The following PLPPR1 variants were observed in gnomAD, a reference collection of about 807,000 sequenced individuals.
PLPPR1 encodes the protein phospholipid phosphatase-related protein type 1.
In PLPPR1, 10 loss-of-function variants were observed where a neutral mutation model predicts 33.1. The observed-to-expected ratio is 0.30, with a 90% CI of 0.19 to 0.51. The LOEUF is 0.51. PLPPR1 is among the 20% of genes least tolerant of loss of function. PLPPR1 has a pLI of 0.97. For synonymous variants in PLPPR1, 151 were observed against 151.0 expected (o/e 1.00, Z 0.00); for missense variants, 304 against 408.1 (o/e 0.74, Z 2.20).
chr9:101,195,518 T>C (rs1826378465), intron 2 of PLPPR1, among the ~76,000 whole-genome samples: 1 of 151,496 alleles, frequency 6.6e-6, no homozygotes, highest in African/African-American at 2.4e-5. Context: ...CACTAAAGAG[T>C]TCAAGCAGAG....
chr9:101,286,326 A>G, intron 4 of PLPPR1, 90 bp downstream of exon 4: 4 of 1,279,400 alleles, frequency 3.1e-6, no homozygotes, highest in South Asian at 3.4e-5. Context: ...TGGAAGTATC[A>G]ACATTAAAAG....
At chr9:101,146,508 A>G (rs1487176001) in intron 1 of PLPPR1, among the ~76,000 whole-genome samples, 1 of 152,212 alleles carries the variant, frequency 6.6e-6, no homozygotes, top group East Asian at 1.9e-4. Context: ...ATGTTTCAAA[A>G]TCATGTGTCC....
chr9:101,267,409 G>A lies in PLPPR1; in HGVS notation c.64-2471G>A, dbSNP rs953502685. On this transcript the variant is annotated intron_variant, in intron 2 of 7. Transcript: ENST00000374874. ...TAAACCAATTACTTCAAACAGCAGA[G>A]AAGGCTGGCATAAAGGTTGGTGATT... Among the ~76,000 whole-genome samples, 11 of 152,170 alleles carry A rather than the reference G, an allele frequency of 7.2e-5. No homozygotes were observed. In the South Asian group the frequency reaches 2.3e-3, roughly 31 times the overall value.
At chr9:101,190,920 T>TG (rs2118727691) in intron 2 of PLPPR1, among the ~76,000 whole-genome samples, 1 of 152,286 alleles carries the variant, frequency 6.6e-6, no homozygotes, top group East Asian at 1.9e-4. Flanking sequence ...GTAATGGACA[T>TG]GGCAGGCAGT....
intron 1 of PLPPR1, among the ~76,000 whole-genome samples, chr9:101,080,803 T>C (rs1163372347): frequency 6.6e-6 from 1 of 152,164 alleles, no homozygotes; most frequent in Non-Finnish European, 1.5e-5. Flanking sequence ...AGACCCTTTT[T>C]TCCCATTCCT....
chr9:101,238,154 T>C (rs36070696), intron 2 of PLPPR1, among the ~76,000 whole-genome samples: 47,378 of 136,578 alleles, frequency 0.35, 8,285 homozygotes, highest in Admixed American at 0.39. Context: ...TATATATACA[T>C]ATACACACAT....
chr9:101,308,966 C>T (rs1828904225), intron 4 of PLPPR1, among the ~76,000 whole-genome samples: 2 of 152,232 alleles, frequency 1.3e-5, no homozygotes, highest in South Asian at 2.1e-4. Flanking sequence ...AAATTATTTT[C>T]GTTAGACTGT....
In PLPPR1 at chr9:101,122,627, G is replaced by A. The variant is rs375657133; in HGVS notation, c.-45-62823G>A. Reference sequence around the variant, plus strand: ...AGTCATATTTATTGTTCACCTTAATGTTCAGTCATCACTAAAGATTTCTGT... The same window carrying A: ...AGTCATATTTATTGTTCACCTTAATATTCAGTCATCACTAAAGATTTCTGT... On this transcript the variant is annotated intron_variant, in intron 1 of 7. Coordinates refer to ENST00000374874, the MANE Select transcript of PLPPR1 (RefSeq NM_207299.2). Among the ~76,000 whole-genome samples, 53 of 152,268 alleles carry A rather than the reference G, an allele frequency of 3.5e-4. No homozygotes were observed. The East Asian group carries it at 4.6e-3, about 13-fold the overall frequency.
In PLPPR1 at chr9:101,157,237, G is replaced by C. The variant is rs188662153; in HGVS notation, c.-45-28213G>C. ...AGAGAACAAATTTGGGAAATATTCAGGAGGTAAAATTCACTTGCCAAGTGA... is the reference window on the plus strand; with the variant it reads ...AGAGAACAAATTTGGGAAATATTCACGAGGTAAAATTCACTTGCCAAGTGA... On this transcript the variant is annotated intron_variant, in intron 1 of 7. Transcript: ENST00000374874. 2.0e-5 allele frequency among the ~76,000 whole-genome samples: 3 copies of C among 152,280 alleles called. No homozygotes were observed. In the East Asian group the frequency reaches 5.8e-4, roughly 29 times the overall value.
intron 3 of PLPPR1, among the ~76,000 whole-genome samples, chr9:101,277,001 G>A (rs374111078): frequency 6.6e-6 from 1 of 152,196 alleles, no homozygotes; most frequent in South Asian, 2.1e-4. Flanking sequence ...CTCTCTGCAG[G>A]TCTGGGGTTA....
chr9:101,309,551 T>C lies in PLPPR1; in HGVS notation c.636+90T>C, dbSNP rs1479185864. On this transcript the variant is annotated intron_variant, in intron 5 of 7. Coordinates refer to ENST00000374874, the MANE Select transcript of PLPPR1 (RefSeq NM_207299.2). ...GTCTCCATTCTTTCATTGTCACTTA[T>C]AGCGACTCTTAAATTTATGTATGGC... 5 of 1,391,244 alleles carry C rather than the reference T, an allele frequency of 3.6e-6. No homozygotes were observed. The African/African-American group carries it at 4.3e-5, about 12-fold the overall frequency. The allele number at this position is 1,391,244 out of a possible 1,614,324, so 86.2% of individuals were successfully genotyped here. A position where few individuals can be genotyped will look rare whatever the true frequency, so the allele number is the denominator to read the frequency against.
At chr9:101,185,216 G>A (rs936254847) in intron 1 of PLPPR1, 14 of 360,182 alleles carry the variant, frequency 3.9e-5, no homozygotes, top group Admixed American at 3.6e-4. Context: ...GTGCACAAGC[G>A]GCTCCTGACC....
intron 1 of PLPPR1, among the ~76,000 whole-genome samples, chr9:101,161,722 T>C (rs1169644003): frequency 6.6e-6 from 1 of 152,044 alleles, no homozygotes; most frequent in Non-Finnish European, 1.5e-5. Flanking sequence ...GATTTTCCCA[T>C]ACCATAGGAC....
intron 2 of PLPPR1, among the ~76,000 whole-genome samples, chr9:101,193,712 G>A (rs1826342756): frequency 6.6e-6 from 1 of 152,120 alleles, no homozygotes; most frequent in Non-Finnish European, 1.5e-5. Context: ...TTGACCCTAT[G>A]CAATAGAAAT....
chr9:101,191,016 G>T (rs1826288606), intron 2 of PLPPR1, among the ~76,000 whole-genome samples: 7 of 152,144 alleles, frequency 4.6e-5, no homozygotes, highest in Non-Finnish European at 1.5e-5. Context: ...TTGAATTGTA[G>T]CTTGTAGTCC....
At chr9:101,030,738 G>A (rs1011811564) in intron 1 of PLPPR1, among the ~76,000 whole-genome samples, 2 of 152,070 alleles carry the variant, frequency 1.3e-5, no homozygotes, top group Admixed American at 6.5e-5. Context: ...ACGGGTGGGG[G>A]TGAGGGCTTC....
intron 3 of PLPPR1, among the ~76,000 whole-genome samples, chr9:101,271,886 T>A (rs1828107651): frequency 6.6e-6 from 1 of 152,180 alleles, no homozygotes; most frequent in East Asian, 1.9e-4. Context: ...GAGATTGTTT[T>A]ACATTTTAAA....
chr9:101,073,954 TA>T (rs1830508924), intron 1 of PLPPR1, among the ~76,000 whole-genome samples: 1 of 152,080 alleles, frequency 6.6e-6, no homozygotes, highest in Non-Finnish European at 1.5e-5. Context: ...ACATATACCA[TA>T]AAAATCACAA....
chr9:101,175,665 G>A (rs1826008431), intron 1 of PLPPR1, among the ~76,000 whole-genome samples: 2 of 152,088 alleles, frequency 1.3e-5, no homozygotes, highest in African/African-American at 2.4e-5. Context: ...TGCCTAATGG[G>A]ATACCTGGCA....
Sources: allele counts gnomAD v4.1 joint callset (sites outside exome capture counted in the v4.1 genomes callset), GRCh38; gene constraint gnomAD v4.1.1; transcripts MANE v1.5; gene names NCBI Gene and HGNC (gene_info 2026-07-23, HGNC 2026-07-21).